The following HDAC4 variants were observed in gnomAD, a reference collection of about 807,000 sequenced individuals.
HDAC4 encodes histone deacetylase A.
A neutral mutation model predicts 135.1 loss-of-function variants in HDAC4; 16 were observed. That is an observed-to-expected ratio of 0.12 (90% confidence interval 0.08 to 0.18). HDAC4 has a LOEUF of 0.18. Ranked by LOEUF, HDAC4 falls within the 10% of genes least tolerant of loss-of-function variation. The probability of loss-of-function intolerance (pLI) is 1.00; values close to 1 mark genes in which losing one functional copy is unlikely to be tolerated. For synonymous variants in HDAC4, 685 were observed against 653.4 expected (o/e 1.05, Z -0.74); for missense variants, 1,143 against 1,511.8 (o/e 0.76, Z 4.05).
intron 2 of HDAC4, among the ~76,000 whole-genome samples, chr2:239,241,177 C>G (rs550668393): frequency 1.7e-4 from 26 of 152,184 alleles, no homozygotes; most frequent in African/African-American, 6.3e-4. Context: ...GGTTTCACAT[C>G]ACAATACCGA....
chr2:239,112,291 G>A (rs1274046906), intron 13 of HDAC4, among the ~76,000 whole-genome samples: 1 of 152,214 alleles, frequency 6.6e-6, no homozygotes, highest in East Asian at 1.9e-4. Flanking sequence ...TGGGTTTGTG[G>A]GTCTTAGTTC....
chr2:239,173,988 A>G (rs1418122671), intron 5 of HDAC4, among the ~76,000 whole-genome samples: 1 of 152,246 alleles, frequency 6.6e-6, no homozygotes, highest in Non-Finnish European at 1.5e-5. Context: ...AAGGTAAATA[A>G]TCAATGTTGT....
chr2:239,117,797 G>A (rs2039279659), intron 12 of HDAC4, among the ~76,000 whole-genome samples: 2 of 152,148 alleles, frequency 1.3e-5, no homozygotes, highest in African/African-American at 4.8e-5. Context: ...AGGGACGGTG[G>A]GACAAGCCGA....
intron 1 of HDAC4, among the ~76,000 whole-genome samples, chr2:239,377,224 C>A (rs1352613133): frequency 1.5e-5 from 1 of 67,712 alleles, no homozygotes; most frequent in Non-Finnish European, 2.8e-5. Flanking sequence ...GCGTCAGCTG[C>A]CCCAGCTCAG....
At chr2:239,256,386 T>A (rs2049052048) in intron 2 of HDAC4, among the ~76,000 whole-genome samples, 1 of 152,272 alleles carries the variant, frequency 6.6e-6, no homozygotes, top group Non-Finnish European at 1.5e-5. Flanking sequence ...CTGTGAATTC[T>A]GTCGCAGGGG....
rs535352738 is a variant in HDAC4 at position 239,331,103 on chromosome 2, G to A, written c.22+21575C>T. On this transcript the variant is annotated intron_variant, in intron 2 of 26. Coordinates refer to ENST00000543185, the MANE Select transcript of HDAC4 (RefSeq NM_001378414.1). The surrounding 1 kb of genome is among the most constrained non-coding windows in gnomAD (Gnocchi z 4.5). ...AGCCCAGAGGACATACTGAGAGAGC[G>A]GCCAAGTGAAGCTCTCAGCCTGCCC... Among the ~76,000 whole-genome samples, 9 of 152,348 alleles carry A rather than the reference G, an allele frequency of 5.9e-5. No individual in the cohort carries two copies. Among genetic ancestry groups the A allele is most frequent in the East Asian group, 3.9e-4 (2 of 5,178 alleles).
chr2:239,140,750 T>A, intron 8 of HDAC4: 1 of 293,366 alleles, frequency 3.4e-6, no homozygotes, highest in Non-Finnish European at 7.2e-6. Context: ...GAGGGGAGGT[T>A]AAGGGATGTT....
chr2:239,372,620 TAC>T (rs1275261400), intron 1 of HDAC4, among the ~76,000 whole-genome samples: 2 of 152,246 alleles, frequency 1.3e-5, no homozygotes, highest in Admixed American at 6.5e-5. Context: ...CCCCTCTCTC[TAC>T]AGAGTGTACG....
At chr2:239,085,738 C>G (rs2035870130) in intron 19 of HDAC4, 1 of 152,160 alleles carries the variant, frequency 6.6e-6, no homozygotes, top group South Asian at 2.1e-4. Flanking sequence ...TCTGCTCTAA[C>G]ACGCGGATCT....
intron 2 of HDAC4, among the ~76,000 whole-genome samples, chr2:239,271,695 G>T (rs1357944521): frequency 1.3e-5 from 2 of 152,332 alleles, no homozygotes; most frequent in Admixed American, 1.3e-4. Context: ...TGAGAGTCCA[G>T]TTCTGGACCC....
chr2:239,396,931 C>A (rs1055645112), intron 1 of HDAC4, among the ~76,000 whole-genome samples: 40 of 151,956 alleles, frequency 2.6e-4, no homozygotes, highest in African/African-American at 9.7e-4. Flanking sequence ...CACCTGCCTC[C>A]AGGCGTCCTG....
At chr2:239,111,425 CCCT>C in intron 14 of HDAC4, 98 bp downstream of exon 14, 1 of 1,239,142 alleles carries the variant, frequency 8.1e-7, no homozygotes, top group South Asian at 1.3e-5. Context: ...CCTGCCCAGC[CCCT>C]CCTCAGCCTC....
At chr2:239,228,380 G>C (rs1443767732) in intron 3 of HDAC4, among the ~76,000 whole-genome samples, 7 of 146,038 alleles carry the variant, frequency 4.8e-5, no homozygotes, top group African/African-American at 1.8e-4. Flanking sequence ...TACTGAGCCG[G>C]AACGGGATGG....
chr2:239,190,174 CGGG>C, intron 3 of HDAC4, 97 bp from the exon 4 acceptor site: 14 of 1,069,958 alleles, frequency 1.3e-5, no homozygotes, highest in African/African-American at 2.0e-5. Context: ...CTTCACGGGG[CGGG>C]GGGGGGGTTG....
At chr2:239,264,469 C>T (rs1039976830) in intron 2 of HDAC4, among the ~76,000 whole-genome samples, 1 of 152,188 alleles carries the variant, frequency 6.6e-6, no homozygotes, top group Non-Finnish European at 1.5e-5. Context: ...GCAGATGCAG[C>T]GGTTTATCTT....
At position 239,368,239 on chromosome 2, in the gene HDAC4, C is replaced by T. The variant is rs964007823; in HGVS notation, c.-219-15321G>A. On this transcript the variant is annotated intron_variant, in intron 1 of 26. Transcript: ENST00000543185. The stretch of plus-strand genomic sequence containing the variant: ...CCGTGGCTCTGCAGGTGTGTTCCAA[C>T]CCTCTTCCTTCGGAGACACAGGAGG... 3.8e-4 allele frequency among the ~76,000 whole-genome samples: 58 copies of T among 152,060 alleles called. 1 individual carries two copies. The highest frequency in any genetic ancestry group is 1.9e-4 in the Non-Finnish European group (13 of 68,020).
chr2:239,374,896 A>T (rs1694901448), intron 1 of HDAC4, among the ~76,000 whole-genome samples: 1 of 152,220 alleles, frequency 6.6e-6, no homozygotes, highest in African/African-American at 2.4e-5. Context: ...CGTGAAGGGC[A>T]GCGTGCAAAT....
At chr2:239,067,013 C>T (rs147673921) in intron 23 of HDAC4, 158 bp from the exon 24 acceptor site, 23 of 837,402 alleles carry the variant, frequency 2.7e-5, no homozygotes, top group Non-Finnish European at 4.1e-5. Flanking sequence ...TGAAGAGTTT[C>T]GGCTTTGGAT....
At chr2:239,326,039 T>C (rs2053460466) in intron 2 of HDAC4, among the ~76,000 whole-genome samples, 1 of 151,950 alleles carries the variant, frequency 6.6e-6, no homozygotes, top group Admixed American at 6.6e-5. Context: ...CCAAAAGATG[T>C]GAAAGCAGGG....
Sources: gnomAD v4.1 joint callset for allele counts (sites outside exome capture counted in the v4.1 genomes callset) on GRCh38, gnomAD v4.1.1 for gene constraint, Gnocchi (gnomAD v3.1) non-coding constraint, MANE v1.5 for transcripts, NCBI Gene and HGNC (gene_info 2026-07-23, HGNC 2026-07-21) for gene names.